Variants in PAX2 observed in about 807,000 individuals in gnomAD.
The protein encoded by PAX2 is paired box 2.
Under a neutral mutation model 41.7 loss-of-function variants are expected in PAX2, and 9 were observed. The ratio of observed to expected loss-of-function variants is 0.22; its 90% CI spans 0.13 to 0.38. The LOEUF (loss-of-function observed/expected upper bound fraction) is 0.38, where lower values mean the gene tolerates loss of function less well. Among genes scored for constraint, PAX2 ranks in the 10% least tolerant of loss-of-function variants. The pLI is 1.00. For missense variants in PAX2, 418 were observed against 531.6 expected, an observed-to-expected ratio of 0.79 and a Z score of 2.10; for synonymous variants, 221 against 212.7, an observed-to-expected ratio of 1.04 and a Z score of -0.34.
chr10:100,764,963 G>T (rs1845968963), intron 3 of PAX2, among the ~76,000 whole-genome samples: 1 of 152,032 alleles, frequency 6.6e-6, no homozygotes, highest in South Asian at 2.1e-4. Context: ...AGAGAAAATG[G>T]AGATAAGACA....
At chr10:100,796,310 G>C (rs74152677) in intron 5 of PAX2, among the ~76,000 whole-genome samples, 4,828 of 152,152 alleles carry the variant, frequency 0.032, 250 homozygotes, top group African/African-American at 0.11. Flanking sequence ...CATATAAACA[G>C]CTTCATGTCT....
At chr10:100,810,574 A>C (rs1008207701) in intron 7 of PAX2, among the ~76,000 whole-genome samples, 1 of 152,210 alleles carries the variant, frequency 6.6e-6, no homozygotes, top group African/African-American at 2.4e-5. Context: ...CTGACCTGCT[A>C]GGTATTCTGA....
rs1314050395 is a variant in PAX2, at chr10:100,826,638, G to A, written c.1022-371G>A. 6.6e-6 allele frequency among the ~76,000 whole-genome samples: 1 copy of A among 152,214 alleles called. No individual in the cohort carries two copies. The highest frequency in any genetic ancestry group is 1.5e-5 in the Non-Finnish European group (1 of 68,028). On this transcript the variant is annotated intron_variant, in intron 8 of 9. Coordinates refer to ENST00000355243, the MANE Select transcript of PAX2 (RefSeq NM_000278.5). This position sits in a 1 kb window ranked among gnomAD's most constrained non-coding sequence, Gnocchi z 5.5. ...CCCATTTCCACCCATTAGGGGCCAT[G>A]CCTCCTAGAACCGGAGTGGCATCTA...
chr10:100,760,155 T>C (rs1845785903), intron 3 of PAX2, among the ~76,000 whole-genome samples: 1 of 152,168 alleles, frequency 6.6e-6, no homozygotes, highest in South Asian at 2.1e-4. Flanking sequence ...GTGCTGGTGG[T>C]ATCTAGCTAG....
upstream of PAX2, among the ~76,000 whole-genome samples, chr10:100,742,999 C>T (rs1845025134): frequency 6.6e-6 from 1 of 151,448 alleles, no homozygotes; most frequent in African/African-American, 2.4e-5. Context: ...TCCTGGAGCC[C>T]CAGGAGAAGG....
chr10:100,801,610 A>G (rs1050561454), intron 5 of PAX2, among the ~76,000 whole-genome samples: 1 of 152,240 alleles, frequency 6.6e-6, no homozygotes, highest in Non-Finnish European at 1.5e-5. Flanking sequence ...TTATGGTAAC[A>G]TGAAAAATTT....
upstream of PAX2, among the ~76,000 whole-genome samples, chr10:100,743,933 T>C (rs1020988031): frequency 6.6e-6 from 1 of 152,112 alleles, no homozygotes; most frequent in African/African-American, 2.4e-5. Flanking sequence ...ACCCCGCAGG[T>C]GGATTAAGCT....
At position 100,826,978 on chromosome 10, in the gene PAX2, G is replaced by A. The variant is rs763918977; in HGVS notation, c.1022-31G>A. On this transcript the variant is annotated intron_variant, in intron 8 of 9. Transcript: ENST00000355243. The surrounding 1 kb of genome is among the most constrained non-coding windows in gnomAD (Gnocchi z 5.5). ...GTGGGGTCCGCCCTGGCTTGCAGGC[G>A]TCTGATCCCCACTCCCCGACCCTCC... 29 of 1,529,744 alleles carry A rather than the reference G, an allele frequency of 1.9e-5. No individual in the cohort carries two copies. The highest frequency in any genetic ancestry group is 8.4e-5 in the Admixed American group (5 of 59,880). The allele number at this position is 1,529,744 out of a possible 1,614,324, so 94.8% of individuals were successfully genotyped here.
chr10:100,768,125 G>T (rs1023463512), intron 3 of PAX2, among the ~76,000 whole-genome samples: 2 of 151,896 alleles, frequency 1.3e-5, no homozygotes, highest in African/African-American at 4.8e-5. Context: ...AAACACCCCA[G>T]GAAGGGAACA....
chr10:100,778,037 A>G (rs1323223306), intron 3 of PAX2, among the ~76,000 whole-genome samples: 5 of 151,996 alleles, frequency 3.3e-5, no homozygotes, highest in African/African-American at 9.7e-5. Flanking sequence ...TTCTTTGTTC[A>G]TCTTAGGATC....
At chr10:100,745,082 G>A (rs1469050282), upstream of PAX2, among the ~76,000 whole-genome samples, 1 of 152,194 alleles carries the variant, frequency 6.6e-6, no homozygotes, top group African/African-American at 2.4e-5. Context: ...ATGCGCACTG[G>A]GCCCGGGGCC....
At chr10:100,770,802 G>A (rs527773388) in intron 3 of PAX2, among the ~76,000 whole-genome samples, 1 of 152,330 alleles carries the variant, frequency 6.6e-6, no homozygotes, top group South Asian at 2.1e-4. Flanking sequence ...TTTCCACAGA[G>A]CAACTGATAG....
chr10:100,747,548 T>G, intron 1 of PAX2: 15 of 867,516 alleles, frequency 1.7e-5, no homozygotes, highest in African/African-American at 1.8e-5. Context: ...TAATTAAGGA[T>G]AATTTGTAAC....
At chr10:100,804,343 A>G (rs1847682972) in intron 5 of PAX2, among the ~76,000 whole-genome samples, 1 of 152,074 alleles carries the variant, frequency 6.6e-6, no homozygotes, top group Admixed American at 6.5e-5. Context: ...ACACAAATCT[A>G]CACAGAGGCA....
At chr10:100,795,815 C>G (rs1168251740) in intron 5 of PAX2, among the ~76,000 whole-genome samples, 3 of 152,182 alleles carry the variant, frequency 2.0e-5, no homozygotes, top group African/African-American at 7.2e-5. Context: ...CCTGCCTGGC[C>G]CCTCCCTGAC....
chr10:100,769,669 T>TAAAATAAAAA (rs1846145046), intron 3 of PAX2, among the ~76,000 whole-genome samples: 4 of 143,178 alleles, frequency 2.8e-5, no homozygotes, highest in African/African-American at 5.1e-5. Flanking sequence ...TAAAATAAAA[T>TAAAATAAAAA]AAAAAAATAA....
chr10:100,805,017 CTCACAT>C (rs1287386166), intron 5 of PAX2, among the ~76,000 whole-genome samples: 2 of 60,862 alleles, frequency 3.3e-5, no homozygotes, highest in African/African-American at 2.0e-4. Context: ...CTCTCTCTCT[CTCACAT>C]ACACACACAC....
chr10:100,754,163 G>A (rs996695727), intron 3 of PAX2, among the ~76,000 whole-genome samples: 1 of 152,196 alleles, frequency 6.6e-6, no homozygotes, highest in Non-Finnish European at 1.5e-5. Flanking sequence ...AAAGGAAAAA[G>A]TCGTCTAGTT....
rs2133992085 is a variant in PAX2, at chr10:100,828,147, C to G, written c.*528C>G. ...AACGACTTTCTGCAGGAGGAAGAGCCCGCTGCCGAATCCCTGGGAAAAATT... is the reference window on the plus strand; with the variant it reads ...AACGACTTTCTGCAGGAGGAAGAGCGCGCTGCCGAATCCCTGGGAAAAATT... On this transcript the variant is annotated 3_prime_UTR_variant, in exon 10 of 10. Coordinates refer to ENST00000355243, the MANE Select transcript of PAX2 (RefSeq NM_000278.5). The surrounding 1 kb of genome is among the most constrained non-coding windows in gnomAD (Gnocchi z 6.5). The G allele has an allele frequency of 4.3e-6, 1 of 232,148 alleles. No homozygotes were observed. The highest frequency in any genetic ancestry group is 2.2e-5 in the African/African-American group (1 of 45,292). The allele number at this position is 232,148 out of a possible 1,614,324, so 14.4% of individuals were successfully genotyped here. A position where few individuals can be genotyped will look rare whatever the true frequency, so the allele number is the denominator to read the frequency against.
Sources: gnomAD v4.1 joint callset for allele counts (sites outside exome capture counted in the v4.1 genomes callset) on GRCh38, gnomAD v4.1.1 for gene constraint, Gnocchi (gnomAD v3.1) non-coding constraint, MANE v1.5 for transcripts, NCBI Gene and HGNC (gene_info 2026-07-23, HGNC 2026-07-21) for gene names.